Variants in MRTFB observed in about 807,000 individuals in gnomAD.
MRTFB encodes the protein myocardin related transcription factor B.
Under a neutral mutation model 104.2 loss-of-function variants are expected in MRTFB, and 29 were observed. The observed-to-expected ratio is 0.28, with a 90% confidence interval of 0.21 to 0.38. The LOEUF (loss-of-function observed/expected upper bound fraction) is 0.38, where lower values mean the gene tolerates loss of function less well. Ranked by LOEUF, MRTFB falls within the 10% of genes least tolerant of loss-of-function variation. The pLI is 1.00. For missense variants in MRTFB, 1,270 were observed against 1,341.6 expected, an observed-to-expected ratio of 0.95 and a Z score of 0.83; for synonymous variants, 535 against 519.5, an observed-to-expected ratio of 1.03 and a Z score of -0.41.
At chr16:14,175,404 G>C (rs1158081048) in intron 3 of MRTFB, among the ~76,000 whole-genome samples, 1 of 152,052 alleles carries the variant, frequency 6.6e-6, no homozygotes, top group Admixed American at 6.5e-5. Flanking sequence ...GCTTCATTCA[G>C]CATAATTTTG....
At chr16:14,185,609 C>T (rs2039924987) in intron 3 of MRTFB, among the ~76,000 whole-genome samples, 2 of 151,866 alleles carry the variant, frequency 1.3e-5, no homozygotes, top group African/African-American at 2.4e-5. Context: ...AATTCATTCA[C>T]TCAACCATGC....
At chr16:14,009,356 T>G in the MRTFB span, 1 of 152,206 alleles carries the variant, frequency 6.6e-6, no homozygotes, top group South Asian at 2.1e-4. Context: ...TTTTGCATAT[T>G]GATCTTGTAT....
At chr16:14,111,095 T>C (rs1036611774) in intron 2 of MRTFB, among the ~76,000 whole-genome samples, 4 of 152,244 alleles carry the variant, frequency 2.6e-5, no homozygotes, top group African/African-American at 9.6e-5. Context: ...TTCCTACTTC[T>C]GTAACTTCCT....
chr16:14,054,004 G>A, the MRTFB span, among the ~76,000 whole-genome samples: 2 of 152,140 alleles, frequency 1.3e-5, no homozygotes, highest in East Asian at 1.9e-4. Flanking sequence ...GTGCTAGTTC[G>A]TTTTCAGTCA....
chr16:14,128,642 C>T (rs897733392), intron 2 of MRTFB, among the ~76,000 whole-genome samples: 5 of 152,204 alleles, frequency 3.3e-5, no homozygotes, highest in Admixed American at 1.3e-4. Flanking sequence ...ATATCAGTAT[C>T]ACCTGGAGAG....
rs138902188 is a variant in MRTFB at position 14,078,128 on chromosome 16, G to C, written c.-128-1162G>C. 5.6e-4 allele frequency among the ~76,000 whole-genome samples: 85 copies of C among 152,092 alleles called. 1 individual carries two copies. The highest frequency in any genetic ancestry group is 2.0e-3 in the African/African-American group (83 of 41,494). ...TACGTAATTCTGCCAGTTCAGATCT[G>C]TTACTGTCCCCCACCCAGTCAAAAA... is the stretch of plus-strand genomic sequence containing the variant. On this transcript the variant is annotated intron_variant, in intron 1 of 16. Transcript: ENST00000571589.
the MRTFB span, among the ~76,000 whole-genome samples, chr16:14,028,187 A>C: frequency 6.6e-6 from 1 of 151,358 alleles, no homozygotes; most frequent in Non-Finnish European, 1.5e-5. Context: ...AAAAAACAAA[A>C]AAACAAACAA....
intron 3 of MRTFB, chr16:14,148,848 A>G (rs1413234989): frequency 6.6e-6 from 1 of 152,220 alleles, no homozygotes; most frequent in East Asian, 1.9e-4. Context: ...CTTATATCTC[A>G]TTGTCGTGTT....
chr16:14,212,094 C>T lies in MRTFB; in HGVS notation c.221-260C>T, dbSNP rs554067151. Among the ~76,000 whole-genome samples the T allele has an allele frequency of 1.3e-3, 199 of 152,298 alleles. 2 individuals carry two copies. The highest frequency in any genetic ancestry group is 9.7e-3 in the Admixed American group (149 of 15,300). On this transcript the variant is annotated intron_variant, in intron 4 of 16. Transcript: ENST00000571589. ...GCAATGGAGATTTGCTATGAGTAGTCAGAACTAGTCTGAACTGATATTTGC... is the reference window on the plus strand; with the variant it reads ...GCAATGGAGATTTGCTATGAGTAGTTAGAACTAGTCTGAACTGATATTTGC...
chr16:14,092,171 A>C (rs527600717), intron 2 of MRTFB, among the ~76,000 whole-genome samples: 1 of 152,230 alleles, frequency 6.6e-6, no homozygotes, highest in East Asian at 1.9e-4. Flanking sequence ...TGTGTTACAT[A>C]GTTTTGTGAT....
At chr16:14,042,930 T>G in the MRTFB span, among the ~76,000 whole-genome samples, 29 of 152,148 alleles carry the variant, frequency 1.9e-4, no homozygotes, top group South Asian at 2.1e-4. Context: ...TGGGACAGAT[T>G]GTTTTTGCTA....
intron 1 of MRTFB, among the ~76,000 whole-genome samples, chr16:14,072,038 C>T (rs763422255): frequency 3.7e-4 from 57 of 152,130 alleles, no homozygotes; most frequent in Non-Finnish European, 7.8e-4. Flanking sequence ...GAGCAGCGGG[C>T]GTGTGCTGGT....
intron 11 of MRTFB, 106 bp from the exon 12 acceptor site, chr16:14,246,367 C>T (rs2043017321): frequency 8.4e-6 from 9 of 1,077,736 alleles, no homozygotes; most frequent in South Asian, 3.1e-5. Context: ...TGTGCCGTAA[C>T]GCAGAGTTGT....
At chr16:14,103,678 G>A (rs545092187) in intron 2 of MRTFB, among the ~76,000 whole-genome samples, 1 of 152,110 alleles carries the variant, frequency 6.6e-6, no homozygotes, top group South Asian at 2.1e-4. Flanking sequence ...TAATGCCTTC[G>A]TCAAAGTCAG....
At chr16:14,034,333 G>A in the MRTFB span, among the ~76,000 whole-genome samples, 1 of 152,160 alleles carries the variant, frequency 6.6e-6, no homozygotes, top group East Asian at 1.9e-4. Context: ...GCCATCTTTG[G>A]CCAGGCATGG....
chr16:14,127,932 T>A (rs869218926), intron 2 of MRTFB, among the ~76,000 whole-genome samples: 4,229 of 54,724 alleles, frequency 0.077, 23 homozygotes, highest in Non-Finnish European at 0.089. Context: ...TATATATATT[T>A]TTTTTTTTTT....
chr16:14,123,464 G>A (rs922524551), intron 2 of MRTFB, among the ~76,000 whole-genome samples: 4 of 152,170 alleles, frequency 2.6e-5, no homozygotes, highest in Non-Finnish European at 5.9e-5. Flanking sequence ...TGTATAAGAT[G>A]TAAGGAAGGG....
chr16:14,138,960 C>T (rs185241182), intron 2 of MRTFB, among the ~76,000 whole-genome samples: 82 of 152,028 alleles, frequency 5.4e-4, no homozygotes, highest in African/African-American at 1.6e-3. Flanking sequence ...AAATGTAAAA[C>T]GTGAAACTAG....
intron 3 of MRTFB, among the ~76,000 whole-genome samples, chr16:14,185,655 C>T (rs2039926748): frequency 6.6e-6 from 1 of 151,536 alleles, no homozygotes; most frequent in African/African-American, 2.4e-5. Context: ...ATATTCCAAG[C>T]ACTCTGCTAG....
Sources: gnomAD v4.1 joint callset for allele counts (sites outside exome capture counted in the v4.1 genomes callset) on GRCh38, gnomAD v4.1.1 for gene constraint, MANE v1.5 for transcripts, NCBI Gene and HGNC (gene_info 2026-07-23, HGNC 2026-07-21) for gene names.